COL24A1: variants seen among roughly 807,000 people sequenced by gnomAD.
COL24A1 encodes the protein collagen type XXIV alpha 1 chain.
COL24A1 carries 224 observed loss-of-function variants against 253.9 expected under a neutral mutation model. The observed-to-expected ratio is 0.88, with a 90% CI of 0.79 to 0.99. The LOEUF is 0.99. COL24A1 is among the 50% of genes least tolerant of loss of function. The pLI, the probability that COL24A1 is intolerant of heterozygous loss-of-function variation, is 0.00. For synonymous variants in COL24A1, 685 were observed against 673.7 expected (o/e 1.02, Z -0.26); for missense variants, 2,131 against 2,068.5 (o/e 1.03, Z -0.59).
chr1:85,894,861 A>G (rs947679407), intron 31 of COL24A1, among the ~76,000 whole-genome samples: 3 of 152,204 alleles, frequency 2.0e-5, no homozygotes, highest in African/African-American at 7.2e-5. Context: ...GGCAGGGGGC[A>G]GCAGATTTCA....
At chr1:86,076,271 G>A (rs1485982091) in intron 7 of COL24A1, among the ~76,000 whole-genome samples, 1 of 152,084 alleles carries the variant, frequency 6.6e-6, no homozygotes, top group Admixed American at 6.6e-5. Flanking sequence ...GCCAAATCAT[G>A]AGTGAACTCC....
chr1:85,779,101 G>T (rs1325715285), intron 52 of COL24A1, among the ~76,000 whole-genome samples: 3 of 151,936 alleles, frequency 2.0e-5, no homozygotes, highest in African/African-American at 7.3e-5. Flanking sequence ...GAACTCCTGG[G>T]CTCAAGCAAT....
chr1:86,115,737 G>GT (rs1008930663), intron 3 of COL24A1, among the ~76,000 whole-genome samples: 6 of 152,116 alleles, frequency 3.9e-5, no homozygotes, highest in African/African-American at 9.7e-5. Context: ...ACAACTACAA[G>GT]TTTTTTTCAA....
chr1:85,791,396 C>G (rs1670259202), intron 47 of COL24A1, among the ~76,000 whole-genome samples: 1 of 152,048 alleles, frequency 6.6e-6, no homozygotes, highest in Non-Finnish European at 1.5e-5. Flanking sequence ...TGCTAAGATA[C>G]AATACAACTG....
At chr1:86,001,199 AC>A (rs1386410802) in intron 19 of COL24A1, among the ~76,000 whole-genome samples, 2 of 152,232 alleles carry the variant, frequency 1.3e-5, no homozygotes, top group East Asian at 3.8e-4. Context: ...AATAAGTAAA[AC>A]ATTAAGAAGA....
At chr1:85,944,634 A>C (rs9793757) in intron 24 of COL24A1, among the ~76,000 whole-genome samples, 112,388 of 151,582 alleles carry the variant, frequency 0.74, 41,755 homozygotes, top group East Asian at 0.8. Flanking sequence ...TTTTAGGGTA[A>C]ATGTGCACAA....
intron 16 of COL24A1, 22 bp downstream of exon 16, chr1:86,022,811 A>G: frequency 7.2e-7 from 1 of 1,385,468 alleles, no homozygotes; most frequent in Non-Finnish European, 9.5e-7. Flanking sequence ...AATTATTTTT[A>G]TAATATTAAT....
chr1:86,141,644 A>C (rs1651095063), intron 2 of COL24A1, among the ~76,000 whole-genome samples: 2 of 152,048 alleles, frequency 1.3e-5, no homozygotes, highest in Admixed American at 1.3e-4. Context: ...TATGTGAAAC[A>C]TCTCAGTTAA....
At chr1:86,017,020 A>G in intron 19 of COL24A1, 131 bp downstream of exon 19, 2 of 859,678 alleles carry the variant, frequency 2.3e-6, no homozygotes, top group Non-Finnish European at 3.5e-6. Context: ...AATGTAGTCC[A>G]AACTATTTAC....
chr1:86,067,692 T>G (rs192611507), intron 7 of COL24A1, among the ~76,000 whole-genome samples: 5 of 152,224 alleles, frequency 3.3e-5, no homozygotes, highest in Admixed American at 2.6e-4. Context: ...TCCACTATTA[T>G]ATAAAGACTT....
At chr1:85,779,046 G>A (rs770094560) in intron 52 of COL24A1, among the ~76,000 whole-genome samples, 10 of 151,868 alleles carry the variant, frequency 6.6e-5, no homozygotes, top group South Asian at 4.2e-4. Context: ...CACTCTGTTT[G>A]CGCAGGCTGG....
At chr1:85,766,368 C>CAAAAAAAAAAA (rs1319642983) in intron 53 of COL24A1, among the ~76,000 whole-genome samples, 2 of 66,234 alleles carry the variant, frequency 3.0e-5, no homozygotes, top group Non-Finnish European at 5.2e-5. Flanking sequence ...GACTCTGTCT[C>CAAAAAAAAAAA]AAAAAAAAAA....
intron 24 of COL24A1, among the ~76,000 whole-genome samples, chr1:85,923,964 G>A (rs1014266560): frequency 3.9e-5 from 6 of 151,926 alleles, no homozygotes; most frequent in East Asian, 1.9e-4. Flanking sequence ...TCAAACAGAC[G>A]CAATAAAAAA....
At chr1:85,925,110 T>C (rs1431355947) in intron 24 of COL24A1, among the ~76,000 whole-genome samples, 2 of 152,122 alleles carry the variant, frequency 1.3e-5, no homozygotes, top group Non-Finnish European at 2.9e-5. Flanking sequence ...GAATCCAACT[T>C]ACAAGGGATG....
At chr1:85,783,598 C>T (rs758629879) in intron 50 of COL24A1, 40 bp from the exon 51 acceptor site, 4 of 1,555,294 alleles carry the variant, frequency 2.6e-6, no homozygotes, top group Non-Finnish European at 2.7e-6. Context: ...AAATTTGTAG[C>T]TCTATATGAA....
At chr1:85,860,480 G>A (rs193277182) in intron 37 of COL24A1, among the ~76,000 whole-genome samples, 25 of 152,240 alleles carry the variant, frequency 1.6e-4, no homozygotes, top group Admixed American at 5.9e-4. Context: ...AGTGGCTCAC[G>A]CCTGTAATCC....
At chr1:86,102,828 T>C (rs1704587898) in intron 5 of COL24A1, among the ~76,000 whole-genome samples, 1 of 152,174 alleles carries the variant, frequency 6.6e-6, no homozygotes, top group Non-Finnish European at 1.5e-5. Flanking sequence ...GTATGTGCCA[T>C]GTGGTGATGA....
chr1:85,916,660 C>T (rs961678873), intron 24 of COL24A1, among the ~76,000 whole-genome samples: 1 of 151,878 alleles, frequency 6.6e-6, no homozygotes, highest in African/African-American at 2.4e-5. Context: ...GACCCTGTCT[C>T]CAAAATACAT....
At chr1:85,817,414 C>T (rs1673150332) in intron 46 of COL24A1, among the ~76,000 whole-genome samples, 1 of 151,894 alleles carries the variant, frequency 6.6e-6, no homozygotes, top group Non-Finnish European at 1.5e-5. Flanking sequence ...GATCTCTGAT[C>T]TGAATGTGCT....
Sources: allele counts gnomAD v4.1 joint callset (sites outside exome capture counted in the v4.1 genomes callset), GRCh38; gene constraint gnomAD v4.1.1; transcripts MANE v1.5; gene names NCBI Gene and HGNC (gene_info 2026-07-23, HGNC 2026-07-21).